LRP8: variants seen among roughly 807,000 people sequenced by gnomAD.
LRP8 encodes LDL receptor related protein 8.
A neutral mutation model predicts 111.6 loss-of-function variants in LRP8; 46 were observed. That is an observed-to-expected ratio of 0.41 (90% CI 0.33 to 0.53). The LOEUF is 0.53. LRP8 is among the 20% of genes least tolerant of loss of function. The pLI, the probability that LRP8 is intolerant of heterozygous loss-of-function variation, is 0.20. For missense variants in LRP8, 959 were observed against 1,297.4 expected (o/e 0.74, Z 4.01); for synonymous variants, 464 against 511.2 (o/e 0.91, Z 1.24).
At chr1:53,268,453 C>G (rs1646655634) in intron 8 of LRP8, 2 of 152,180 alleles carry the variant, frequency 1.3e-5, no homozygotes, top group African/African-American at 4.8e-5. Context: ...GGGGCAAGAA[C>G]AGGTTACACG....
In LRP8 at chr1:53,260,473, G is replaced by C; in HGVS notation, c.2047C>G (p.Gln683Glu). 1 of 1,614,122 alleles carries C rather than the reference G, an allele frequency of 6.2e-7. No homozygotes were observed. The highest frequency in any genetic ancestry group is 8.5e-7 in the Non-Finnish European group (1 of 1,180,010). ...HDIVIFHELK[Q>E]PRAPDACELS... ...ACCAGAGACAGCTCACCTCTTGGCT[G>C]CTTCAGCTCATGGAAGATGACAATG... is the stretch of plus-strand genomic sequence containing the variant. The change falls in exon 13 of 19, where the codon CAG (glutamine) becomes GAG (glutamate). Residue 683 changes from glutamine (Q) to glutamate (E), a missense_variant. Gln to Glu is a conservative substitution (Grantham distance 29). Transcript: ENST00000306052.
chr1:53,266,626 ATTAGGGATGGGCTC>A lies in LRP8; in HGVS notation c.1260_1273del (p.Lys420AsnfsTer44). Reference sequence around the variant, plus strand: ...CCGCACCTCGTGCCGGTTGGTGAAGATTAGGGATGGGCTCTTGCCAGCTGTCATGCAGGGAGGTT... The same window carrying A: ...CCGCACCTCGTGCCGGTTGGTGAAGATTGCCAGCTGTCATGCAGGGAGGTT... On this transcript the variant is annotated frameshift_variant, in exon 9 of 19. Coordinates refer to ENST00000306052, the MANE Select transcript of LRP8 (RefSeq NM_004631.5). LOFTEE classifies it high-confidence loss of function. This position sits in a 1 kb window ranked among gnomAD's most constrained non-coding sequence, Gnocchi z 5.0. 1 of 1,614,024 alleles carries A rather than the reference ATTAGGGATGGGCTC, an allele frequency of 6.2e-7. No homozygotes were observed. The highest frequency in any genetic ancestry group is 8.5e-7 in the Non-Finnish European group (1 of 1,179,956).
At position 53,271,304 on chromosome 1, in the gene LRP8, A is replaced by G; in HGVS notation, c.1049T>C (p.Ile350Thr). The G allele has an allele frequency of 6.2e-7, 1 of 1,613,852 alleles. No homozygotes were observed. The highest frequency in any genetic ancestry group is 2.2e-5 in the East Asian group (1 of 44,858). ...CLHNNGGCSH[I>T]CTDLKIGFEC... Reference sequence around the variant, plus strand: ...AAAGCCAATCTTGAGGTCAGTGCAGATGTGTGAGCAGCCGCCATTGTTGTG... The same window carrying G: ...AAAGCCAATCTTGAGGTCAGTGCAGGTGTGTGAGCAGCCGCCATTGTTGTG... Residue 350 changes from isoleucine to threonine, a missense_variant, in exon 7 of 19, where the codon ATC becomes ACC. By Grantham distance (89) the Ile-to-Thr change is moderately conservative. Coordinates refer to ENST00000306052, the MANE Select transcript of LRP8 (RefSeq NM_004631.5).
At position 53,262,686 on chromosome 1, in the gene LRP8, C is replaced by A. The variant is rs554429954; in HGVS notation, c.1656-122G>T. 53 of 746,042 alleles carry A rather than the reference C, an allele frequency of 7.1e-5. No homozygotes were observed. Among genetic ancestry groups the A allele is most frequent in the Non-Finnish European group, 1.1e-4 (48 of 426,778 alleles). The allele number at this position is 746,042 out of a possible 1,614,324, so 46.2% of individuals were successfully genotyped here. ...TTATGTTTAGTAGGGACTGAGAAGA[C>A]CTCTAAAGTTCTTTTGAACCATCAA... On this transcript the variant is annotated intron_variant, in intron 10 of 18. Coordinates refer to ENST00000306052, the MANE Select transcript of LRP8 (RefSeq NM_004631.5). This position sits in a 1 kb window ranked among gnomAD's most constrained non-coding sequence, Gnocchi z 4.8.
At chr1:53,263,242 T>C (rs1553178472) in intron 10 of LRP8, among the ~76,000 whole-genome samples, 1 of 152,162 alleles carries the variant, frequency 6.6e-6, no homozygotes, top group Non-Finnish European at 1.5e-5. Context: ...AGAGGCTCCG[T>C]ATCTGTCAGA....
chr1:53,324,271 C>G (rs769289703), intron 2 of LRP8, among the ~76,000 whole-genome samples: 1 of 152,234 alleles, frequency 6.6e-6, no homozygotes, highest in African/African-American at 2.4e-5. Context: ...GAAATTCAGT[C>G]TGGGCAGGTG....
Position 53,327,953 on chromosome 1 carries a change from GCGCCGC to G in LRP8, c.-47_-42del. 1 of 1,087,698 alleles carries G rather than the reference GCGCCGC, an allele frequency of 9.2e-7. No individual in the cohort carries two copies. Among genetic ancestry groups the G allele is most frequent in the Non-Finnish European group, 1.1e-6 (1 of 898,708 alleles). 67.4% of individuals were successfully genotyped at this position (1,087,698 alleles called of 1,614,324 possible). Reference sequence around the variant, plus strand: ...CCGGCCGCCGCGCCCCGCGCTCCCCGCGCCGCCGCCGCCGCGTCTCAGCCCTCCGAG... The same window carrying G: ...CCGGCCGCCGCGCCCCGCGCTCCCCGCGCCGCCGCGTCTCAGCCCTCCGAG... On this transcript the variant is annotated 5_prime_UTR_variant, in exon 1 of 19. Coordinates refer to ENST00000306052, the MANE Select transcript of LRP8 (RefSeq NM_004631.5).
chr1:53,310,702 C>G (rs1263271105), intron 2 of LRP8, among the ~76,000 whole-genome samples: 2 of 152,174 alleles, frequency 1.3e-5, no homozygotes, highest in East Asian at 1.9e-4. Flanking sequence ...CGGGAAGAAC[C>G]AGAAAGAACT....
chr1:53,262,311 C>T lies in LRP8; in HGVS notation c.1775-104G>A, dbSNP rs1251218334. On this transcript the variant is annotated intron_variant, in intron 11 of 18. Transcript: ENST00000306052. This position sits in a 1 kb window ranked among gnomAD's most constrained non-coding sequence, Gnocchi z 4.8. ...ACATTTCTAGGCCTCACACTGAGGC[C>T]AGCCTACGGCAACCATTAGGAAACA... 2 of 1,539,890 alleles carry T rather than the reference C, an allele frequency of 1.3e-6. No homozygotes were observed. Among genetic ancestry groups the T allele is most frequent in the Admixed American group, 1.8e-5 (1 of 56,924 alleles).
At chr1:53,290,281 A>T (rs1557813706) in intron 2 of LRP8, among the ~76,000 whole-genome samples, 1 of 143,964 alleles carries the variant, frequency 6.9e-6, no homozygotes, top group Non-Finnish European at 1.5e-5. Flanking sequence ...TGCTCTGGGG[A>T]TCTCAATCCC....
Position 53,328,023 on chromosome 1 carries a change from C to T in LRP8, c.-111G>A. 1 of 508,474 alleles carries T rather than the reference C, an allele frequency of 2.0e-6. No individual in the cohort carries two copies. Among genetic ancestry groups the T allele is most frequent in the Non-Finnish European group, 2.5e-6 (1 of 395,814 alleles). 31.5% of individuals were successfully genotyped at this position (508,474 alleles called of 1,614,324 possible). A position where few individuals can be genotyped will look rare whatever the true frequency, so the allele number is the denominator to read the frequency against. ...GCCGGGGTTGCCGCTGCCCCCGCCG[C>T]CGCCGCCGCCGCCGCTGCCGCCCGC... On this transcript the variant is annotated 5_prime_UTR_variant, in exon 1 of 19. Coordinates refer to ENST00000306052, the MANE Select transcript of LRP8 (RefSeq NM_004631.5).
At chr1:53,251,026 C>A (rs1645878724) in intron 16 of LRP8, among the ~76,000 whole-genome samples, 164 bp from the exon 17 acceptor site, 1 of 152,174 alleles carries the variant, frequency 6.6e-6, no homozygotes, top group African/African-American at 2.4e-5. Context: ...CTCATCCCTT[C>A]TTTCCTTTAC....
chr1:53,288,752 C>G (rs990079251), intron 3 of LRP8, among the ~76,000 whole-genome samples: 4 of 152,202 alleles, frequency 2.6e-5, no homozygotes, highest in Non-Finnish European at 5.9e-5. Context: ...AGCCTTTTGT[C>G]TCGGGCTCAC....
Position 53,280,630 on chromosome 1 carries a change from C to T in LRP8, c.453G>A (p.Glu151=). 1.2e-6 allele frequency: 2 copies of T among 1,613,472 alleles called. No homozygotes were observed. Among genetic ancestry groups the T allele is most frequent in the Non-Finnish European group, 1.7e-6 (2 of 1,180,048 alleles). The part of the protein sequence containing the change: ...CVPASWRCDG[E]KDCEGGADEA... ...CATCCGCTCCACCCTCGCAGTCCTT[C>T]TCCCCGTCGCAGCGCCACGAGGCAG... The change falls in exon 4 of 19, where the codon GAG becomes GAA. Residue 151 remains glutamate, a synonymous_variant. Transcript: ENST00000306052.
At chr1:53,265,286 A>G (rs1646508447) in intron 9 of LRP8, among the ~76,000 whole-genome samples, 1 of 152,186 alleles carries the variant, frequency 6.6e-6, no homozygotes, top group African/African-American at 2.4e-5. Context: ...TAAGTCTCCA[A>G]TCCCAACAGC....
At chr1:53,296,895 GA>G (rs1649827913) in intron 2 of LRP8, among the ~76,000 whole-genome samples, 9 of 152,192 alleles carry the variant, frequency 5.9e-5, no homozygotes. Context: ...TTAAGCAGAG[GA>G]ACCCTTTTCC....
At chr1:53,321,514 G>T (rs1654510784) in intron 2 of LRP8, among the ~76,000 whole-genome samples, 1 of 152,136 alleles carries the variant, frequency 6.6e-6, no homozygotes, top group Admixed American at 6.5e-5. Flanking sequence ...TCAAGGGCGT[G>T]CCTGTTCCAT....
At chr1:53,291,541 C>T (rs746693013) in intron 2 of LRP8, among the ~76,000 whole-genome samples, 1 of 152,166 alleles carries the variant, frequency 6.6e-6, no homozygotes, top group Non-Finnish European at 1.5e-5. Context: ...GCCCCTTCCC[C>T]CACCTCTCAC....
At chr1:53,313,956 A>G (rs1653440731) in intron 2 of LRP8, among the ~76,000 whole-genome samples, 1 of 152,180 alleles carries the variant, frequency 6.6e-6, no homozygotes, top group Non-Finnish European at 1.5e-5. Context: ...CAGGAAGGGC[A>G]TGGCAGTGGG....
Sources: allele counts gnomAD v4.1 joint callset (sites outside exome capture counted in the v4.1 genomes callset), GRCh38; gene constraint gnomAD v4.1.1; non-coding constraint Gnocchi (gnomAD v3.1); transcripts MANE v1.5; gene names NCBI Gene and HGNC (gene_info 2026-07-23, HGNC 2026-07-21).